ST6GALNAC3: variants seen among roughly 807,000 people sequenced by gnomAD.
ST6GALNAC3 encodes the protein ST6 N-acetylgalactosaminide alpha-2,6-sialyltransferase 3, also known as alpha-N-acetylgalactosaminide alpha-2,6-sialyltransferase 3.
Under a neutral mutation model 32.7 loss-of-function variants are expected in ST6GALNAC3, and 25 were observed. The ratio of observed to expected loss-of-function variants is 0.76; its 90% CI spans 0.56 to 1.07. The LOEUF is 1.07. Among genes scored for constraint, ST6GALNAC3 ranks in the 50% least tolerant of loss-of-function variants. The pLI, the probability that ST6GALNAC3 is intolerant of heterozygous loss-of-function variation, is 0.00. For missense variants in ST6GALNAC3, 355 were observed against 382.4 expected, an observed-to-expected ratio of 0.93 and a Z score of 0.60; for synonymous variants, 129 against 133.1, an observed-to-expected ratio of 0.97 and a Z score of 0.21.
chr1:76,242,445 TA>T (rs1049096315), intron 1 of ST6GALNAC3, among the ~76,000 whole-genome samples: 9 of 152,056 alleles, frequency 5.9e-5, no homozygotes, highest in Non-Finnish European at 1.2e-4. Context: ...TCCTTTTTTT[TA>T]AAAAAATTTA....
chr1:76,309,835 C>T, intron 1 of ST6GALNAC3: 1 of 400,698 alleles, frequency 2.5e-6, no homozygotes, highest in Non-Finnish European at 5.0e-6. Flanking sequence ...CTCCCTTCAC[C>T]CTCTCTGTGC....
intron 3 of ST6GALNAC3, among the ~76,000 whole-genome samples, chr1:76,496,571 T>C (rs1356966101): frequency 6.6e-6 from 1 of 152,100 alleles, no homozygotes; most frequent in Non-Finnish European, 1.5e-5. Context: ...GCCTCACACA[T>C]GCACAGCATC....
intron 2 of ST6GALNAC3, among the ~76,000 whole-genome samples, chr1:76,333,410 C>A (rs1647240893): frequency 6.6e-6 from 1 of 152,154 alleles, no homozygotes; most frequent in African/African-American, 2.4e-5. Context: ...TGTACCAAGA[C>A]TCATAAGGAT....
intron 1 of ST6GALNAC3, among the ~76,000 whole-genome samples, chr1:76,213,615 C>G (rs1655293495): frequency 6.6e-6 from 1 of 152,204 alleles, no homozygotes; most frequent in African/African-American, 2.4e-5. Context: ...TTTATTCCAA[C>G]TAAAATCACA....
intron 3 of ST6GALNAC3, among the ~76,000 whole-genome samples, chr1:76,494,464 T>TAC (rs1317182947): frequency 0.053 from 3,903 of 73,236 alleles, 728 homozygotes; most frequent in South Asian, 0.17. Context: ...TATATATATA[T>TAC]ATATACACAC....
At chr1:76,282,125 T>A (rs74089827) in intron 1 of ST6GALNAC3, among the ~76,000 whole-genome samples, 6,438 of 152,036 alleles carry the variant, frequency 0.042, 441 homozygotes, top group African/African-American at 0.15. Context: ...TGTTCCTTGT[T>A]TTTTTCTCCT....
intron 3 of ST6GALNAC3, among the ~76,000 whole-genome samples, chr1:76,611,155 A>G (rs979667100): frequency 1.3e-5 from 2 of 152,052 alleles, no homozygotes; most frequent in African/African-American, 2.4e-5. Context: ...GTTTCTGAGC[A>G]TGGGAACTTT....
intron 1 of ST6GALNAC3, among the ~76,000 whole-genome samples, chr1:76,149,259 C>G (rs1035242611): frequency 6.6e-6 from 1 of 152,156 alleles, no homozygotes; most frequent in Admixed American, 6.5e-5. Flanking sequence ...CCTTAACAAG[C>G]CATTCAACCA....
intron 1 of ST6GALNAC3, among the ~76,000 whole-genome samples, chr1:76,226,525 G>C (rs1442188589): frequency 2.6e-5 from 4 of 152,182 alleles, no homozygotes; most frequent in African/African-American, 9.7e-5. Flanking sequence ...AAATGCCTGA[G>C]AGTGGGAAAT....
At chr1:76,597,912 C>T (rs1278046380) in intron 3 of ST6GALNAC3, among the ~76,000 whole-genome samples, 1 of 151,952 alleles carries the variant, frequency 6.6e-6, no homozygotes, top group African/African-American at 2.4e-5. Flanking sequence ...TCATCCAGGC[C>T]GAGTTTAATT....
intron 3 of ST6GALNAC3, among the ~76,000 whole-genome samples, chr1:76,454,343 G>C (rs539584112): frequency 7.9e-5 from 12 of 151,844 alleles, no homozygotes; most frequent in Admixed American, 1.3e-4. Context: ...CTGAAAATTT[G>C]GTGTTTTTTA....
intron 3 of ST6GALNAC3, among the ~76,000 whole-genome samples, chr1:76,542,311 C>T (rs1282724004): frequency 6.6e-6 from 1 of 152,092 alleles, no homozygotes; most frequent in Non-Finnish European, 1.5e-5. Context: ...AAACTGATTC[C>T]CTTCCTGATT....
At chr1:76,537,718 C>T (rs2100257707) in intron 3 of ST6GALNAC3, among the ~76,000 whole-genome samples, 1 of 152,172 alleles carries the variant, frequency 6.6e-6, no homozygotes, top group African/African-American at 2.4e-5. Flanking sequence ...TGCAAACTAC[C>T]ATCAGAGGAT....
At chr1:76,102,361 T>C (rs1010247205) in intron 1 of ST6GALNAC3, among the ~76,000 whole-genome samples, 1 of 152,038 alleles carries the variant, frequency 6.6e-6, no homozygotes, top group Non-Finnish European at 1.5e-5. Context: ...ACAGAATTTG[T>C]CTTTTAATTG....
intron 1 of ST6GALNAC3, among the ~76,000 whole-genome samples, chr1:76,192,202 T>C (rs1044694422): frequency 6.6e-6 from 1 of 152,210 alleles, no homozygotes; most frequent in Non-Finnish European, 1.5e-5. Flanking sequence ...ACTGTATTGG[T>C]ACTTTCTTTT....
intron 1 of ST6GALNAC3, among the ~76,000 whole-genome samples, chr1:76,308,873 A>G (rs962949681): frequency 2.0e-5 from 3 of 152,162 alleles, no homozygotes; most frequent in Non-Finnish European, 4.4e-5. Context: ...AACTTCATTT[A>G]TTTGGCTTAT....
chr1:76,366,272 T>G (rs571507838), intron 2 of ST6GALNAC3, among the ~76,000 whole-genome samples: 91 of 152,296 alleles, frequency 6.0e-4, no homozygotes, highest in African/African-American at 2.0e-3. Flanking sequence ...TATGATCTTC[T>G]TTTAGAAACC....
At position 76,483,303 on chromosome 1, in the gene ST6GALNAC3, G is replaced by C. The variant is rs189214738; in HGVS notation, c.623+70886G>C. ...TAGATCCCTGAAGAATCGCCATACT[G>C]TCTTCCACAATGGTTGAACTAGTTT... is the stretch of plus-strand genomic sequence containing the variant. On this transcript the variant is annotated intron_variant, in intron 3 of 4. Transcript: ENST00000328299. Among the ~76,000 whole-genome samples, 133 of 152,292 alleles carry C rather than the reference G, an allele frequency of 8.7e-4. 1 individual carries two copies. Among genetic ancestry groups the C allele is most frequent in the African/African-American group, 3.0e-3 (126 of 41,556 alleles).
At chr1:76,590,193 T>G (rs1360732170) in intron 3 of ST6GALNAC3, among the ~76,000 whole-genome samples, 1 of 152,186 alleles carries the variant, frequency 6.6e-6, no homozygotes, top group Non-Finnish European at 1.5e-5. Context: ...TCAAGACCCA[T>G]ACTTTACTGA....
Sources: gnomAD v4.1 joint callset for allele counts (sites outside exome capture counted in the v4.1 genomes callset) on GRCh38, gnomAD v4.1.1 for gene constraint, MANE v1.5 for transcripts, NCBI Gene and HGNC (gene_info 2026-07-23, HGNC 2026-07-21) for gene names.